The following KLHL32 variants were observed in gnomAD, a reference collection of about 807,000 sequenced individuals.
KLHL32 encodes kelch-like protein 32.
Under a neutral mutation model 64.8 loss-of-function variants are expected in KLHL32, and 35 were observed. The ratio of observed to expected loss-of-function variants is 0.54; its 90% CI spans 0.41 to 0.72. The LOEUF is 0.72. Ranked by LOEUF, KLHL32 falls within the 30% of genes least tolerant of loss-of-function variation. The pLI is 0.00. For missense variants in KLHL32, 589 were observed against 768.5 expected (o/e 0.77, Z 2.76); for synonymous variants, 259 against 281.0 (o/e 0.92, Z 0.78).
intron 3 of KLHL32, among the ~76,000 whole-genome samples, chr6:97,014,171 G>T (rs954339417): frequency 2.0e-5 from 3 of 152,008 alleles, no homozygotes; most frequent in African/African-American, 7.3e-5. Context: ...GTGGGCGCCT[G>T]TAGTCGCAGC....
At chr6:96,942,216 C>T (rs961842158) in intron 1 of KLHL32, among the ~76,000 whole-genome samples, 1 of 152,174 alleles carries the variant, frequency 6.6e-6, no homozygotes, top group African/African-American at 2.4e-5. Context: ...ATCTGCTGGC[C>T]CCACTTGTCT....
At chr6:97,014,010 A>G (rs1445559826) in intron 3 of KLHL32, among the ~76,000 whole-genome samples, 1 of 152,108 alleles carries the variant, frequency 6.6e-6, no homozygotes, top group African/African-American at 2.4e-5. Flanking sequence ...TTCTCTCTGT[A>G]TATGTTTCTT....
At chr6:96,914,693 T>A in the KLHL32 span, 5 of 152,202 alleles carry the variant, frequency 3.3e-5, no homozygotes, top group Admixed American at 3.3e-4. Context: ...CTTTTATTTT[T>A]TTTTTAGAGA....
chr6:97,105,822 C>T (rs1796338101), intron 6 of KLHL32, among the ~76,000 whole-genome samples: 1 of 152,062 alleles, frequency 6.6e-6, no homozygotes, highest in Non-Finnish European at 1.5e-5. Context: ...TCTTTGTTAG[C>T]ATTGCTTTAA....
rs191910757 is a variant in KLHL32, at chr6:97,130,656, T to G, written c.1414-101T>G. On this transcript the variant is annotated intron_variant, in intron 8 of 10. Transcript: ENST00000369261. ...TTCAAACAGAATGTTGATCTATTGA[T>G]TGATAAACATTAGGGTTCTCACTAC... 797 of 801,262 alleles carry G rather than the reference T, an allele frequency of 9.9e-4. 2 individuals are homozygous for G. In the African/African-American group the frequency reaches 0.012, roughly 12 times the overall value. The allele number at this position is 801,262 out of a possible 1,614,324, so 49.6% of individuals were successfully genotyped here.
At chr6:97,028,188 A>G (rs1232060950) in intron 3 of KLHL32, among the ~76,000 whole-genome samples, 1 of 151,730 alleles carries the variant, frequency 6.6e-6, no homozygotes, top group Non-Finnish European at 1.5e-5. Context: ...CAGCTTTCCC[A>G]TCTAGTAAGT....
chr6:96,987,647 C>A (rs1777280980), intron 3 of KLHL32, among the ~76,000 whole-genome samples: 1 of 152,174 alleles, frequency 6.6e-6, no homozygotes, highest in African/African-American at 2.4e-5. Flanking sequence ...ATTGCCAAAA[C>A]AATCCTAAGC....
intron 3 of KLHL32, among the ~76,000 whole-genome samples, chr6:97,014,924 T>G (rs996592924): frequency 1.3e-5 from 2 of 152,142 alleles, no homozygotes; most frequent in Non-Finnish European, 2.9e-5. Flanking sequence ...TAATCCCCAT[T>G]TGTCAGGGGA....
chr6:97,104,907 G>A (rs2128201529), intron 6 of KLHL32, among the ~76,000 whole-genome samples: 1 of 152,308 alleles, frequency 6.6e-6, no homozygotes, highest in African/African-American at 2.4e-5. Context: ...GGAAGAGAAT[G>A]TAACTATAAG....
intron 3 of KLHL32, among the ~76,000 whole-genome samples, chr6:97,000,797 T>C (rs142910156): frequency 5.4e-4 from 82 of 152,302 alleles, no homozygotes; most frequent in African/African-American, 1.9e-3. Context: ...TGTTACTCAG[T>C]AGGTGAATAG....
intron 4 of KLHL32, among the ~76,000 whole-genome samples, chr6:97,057,488 C>A (rs143750282): frequency 0.013 from 1,931 of 150,538 alleles, 360 homozygotes; most frequent in African/African-American, 0.044. Flanking sequence ...GGCCGAGTAT[C>A]TTTTTATATG....
intron 5 of KLHL32, among the ~76,000 whole-genome samples, chr6:97,079,631 T>C (rs1488068519): frequency 6.6e-6 from 1 of 152,166 alleles, no homozygotes. Context: ...GTTTATTCCA[T>C]AGCTAGTGTG....
At chr6:97,083,854 C>T (rs1051031893) in intron 5 of KLHL32, among the ~76,000 whole-genome samples, 2 of 152,148 alleles carry the variant, frequency 1.3e-5, no homozygotes, top group African/African-American at 4.8e-5. Context: ...TCCCCCATCA[C>T]GTTAATGGAA....
At chr6:97,138,248 GAAGA>G (rs1039866046) in intron 10 of KLHL32, among the ~76,000 whole-genome samples, 1 of 119,824 alleles carries the variant, frequency 8.3e-6, no homozygotes, top group African/African-American at 3.0e-5. Context: ...TGCTATATAA[GAAGA>G]GAGAGGCCAG....
At chr6:96,958,288 A>AGGG (rs1219097956) in intron 1 of KLHL32, among the ~76,000 whole-genome samples, 1 of 152,138 alleles carries the variant, frequency 6.6e-6, no homozygotes, top group Non-Finnish European at 1.5e-5. Context: ...TTATGCTGTG[A>AGGG]GTGGGGATCT....
At position 97,139,532 on chromosome 6, in the gene KLHL32, G is replaced by A; in HGVS notation, c.*250G>A. 2.5e-6 allele frequency: 1 copy of A among 396,910 alleles called. No individual in the cohort carries two copies. Among genetic ancestry groups the A allele is most frequent in the East Asian group, 4.7e-5 (1 of 21,068 alleles). 24.6% of individuals were successfully genotyped at this position (396,910 alleles called of 1,614,324 possible). Reference sequence around the variant, plus strand: ...TTAGTGCCAATTTAAGGTATATTGTGTTCCATGGGTCTTTAGAGCATTCTT... The same window carrying A: ...TTAGTGCCAATTTAAGGTATATTGTATTCCATGGGTCTTTAGAGCATTCTT... On this transcript the variant is annotated 3_prime_UTR_variant, in exon 11 of 11. Coordinates refer to ENST00000369261, the MANE Select transcript of KLHL32 (RefSeq NM_052904.4).
chr6:97,090,683 T>C (rs1794096075), intron 6 of KLHL32, among the ~76,000 whole-genome samples: 1 of 152,266 alleles, frequency 6.6e-6, no homozygotes, highest in Non-Finnish European at 1.5e-5. Context: ...ACTATTAAAA[T>C]ACTTCCAATT....
At chr6:96,927,969 T>C (rs910083756) in intron 1 of KLHL32, among the ~76,000 whole-genome samples, 32 of 152,350 alleles carry the variant, frequency 2.1e-4, no homozygotes, top group African/African-American at 7.0e-4. Context: ...AGATGGAGGA[T>C]CTAAGACTGT....
rs1409960380 is a variant in KLHL32, at chr6:96,928,174, A to G, written c.-66+3148A>G. 3.9e-5 allele frequency among the ~76,000 whole-genome samples: 6 copies of G among 152,192 alleles called. No individual in the cohort carries two copies. The East Asian group carries it at 1.2e-3, about 29-fold the overall frequency. On this transcript the variant is annotated intron_variant, in intron 1 of 10. Coordinates refer to ENST00000369261, the MANE Select transcript of KLHL32 (RefSeq NM_052904.4). ...GCTCAGACACAGGGAAAAAATTTTAAATGTTCTGATTGTGGAGATCAGGTC... is the reference window on the plus strand; with the variant it reads ...GCTCAGACACAGGGAAAAAATTTTAGATGTTCTGATTGTGGAGATCAGGTC...
Sources: gnomAD v4.1 joint callset for allele counts (sites outside exome capture counted in the v4.1 genomes callset) on GRCh38, gnomAD v4.1.1 for gene constraint, MANE v1.5 for transcripts, NCBI Gene and HGNC (gene_info 2026-07-23, HGNC 2026-07-21) for gene names.